Variants in CNTN5 observed in about 807,000 individuals in gnomAD.
The protein encoded by CNTN5 is contactin 5, also known as contactin-5.
A neutral mutation model predicts 129.1 loss-of-function variants in CNTN5; 77 were observed. The ratio of observed to expected loss-of-function variants is 0.60; its 90% CI spans 0.50 to 0.72. The LOEUF (loss-of-function observed/expected upper bound fraction) is 0.72. CNTN5 is among the 30% of genes least tolerant of loss of function. CNTN5 has a pLI of 0.00. For missense variants in CNTN5, 1,478 were observed against 1,328.8 expected, an observed-to-expected ratio of 1.11 and a Z score of -1.75; for synonymous variants, 509 against 465.6, an observed-to-expected ratio of 1.09 and a Z score of -1.20.
At chr11:99,226,413 G>C (rs983598929) in intron 1 of CNTN5, among the ~76,000 whole-genome samples, 1 of 152,120 alleles carries the variant, frequency 6.6e-6, no homozygotes, top group African/African-American at 2.4e-5. Context: ...GACTTTGAAT[G>C]ATATTCAAGT....
At chr11:100,041,251 T>G (rs1392004869) in intron 9 of CNTN5, among the ~76,000 whole-genome samples, 1 of 152,176 alleles carries the variant, frequency 6.6e-6, no homozygotes, top group Non-Finnish European at 1.5e-5. Flanking sequence ...TATGCAAGTC[T>G]GAACAAAAAC....
chr11:99,872,275 A>G lies in CNTN5; in HGVS notation c.577+27013A>G, dbSNP rs888026369. On this transcript the variant is annotated intron_variant, in intron 6 of 24. Coordinates refer to ENST00000524871, the MANE Select transcript of CNTN5 (RefSeq NM_014361.4). Reference sequence around the variant, plus strand: ...AAATTGGCTTTTGTTTCTTTGCTTTACTGGAAATATATTTTGTGGTGAATT... The same window carrying G: ...AAATTGGCTTTTGTTTCTTTGCTTTGCTGGAAATATATTTTGTGGTGAATT... Among the ~76,000 whole-genome samples the G allele has an allele frequency of 5.9e-4, 90 of 152,194 alleles. 1 individual carries two copies. Among genetic ancestry groups the G allele is most frequent in the African/African-American group, 2.0e-3 (82 of 41,568 alleles).
intron 1 of CNTN5, among the ~76,000 whole-genome samples, chr11:99,182,965 G>A (rs1337343761): frequency 2.0e-5 from 3 of 152,056 alleles, no homozygotes; most frequent in Non-Finnish European, 4.4e-5. Flanking sequence ...AGATAATGGG[G>A]TAGATTATGT....
intron 6 of CNTN5, among the ~76,000 whole-genome samples, chr11:99,876,108 G>GA (rs1948626385): frequency 6.6e-6 from 1 of 152,022 alleles, no homozygotes; most frequent in Admixed American, 6.6e-5. Flanking sequence ...CCAGTTTTGT[G>GA]ATGCATAGTT....
At chr11:100,277,914 A>G (rs1435614522) in intron 18 of CNTN5, among the ~76,000 whole-genome samples, 1 of 152,024 alleles carries the variant, frequency 6.6e-6, no homozygotes, top group Non-Finnish European at 1.5e-5. Context: ...AGTTTCCCCA[A>G]TGTTTTCCTG....
At chr11:99,555,946 A>G (rs1355761045) in intron 2 of CNTN5, among the ~76,000 whole-genome samples, 199 bp from the exon 3 acceptor site, 1 of 151,888 alleles carries the variant, frequency 6.6e-6, no homozygotes, top group Non-Finnish European at 1.5e-5. Context: ...AGTTGATCAC[A>G]TTTCCTAAGT....
intron 8 of CNTN5, among the ~76,000 whole-genome samples, chr11:99,998,865 A>G (rs1427524439): frequency 1.3e-5 from 2 of 148,286 alleles, no homozygotes; most frequent in Admixed American, 6.9e-5. Context: ...ATCTACAGCT[A>G]TCTGATCTTT....
intron 21 of CNTN5, among the ~76,000 whole-genome samples, chr11:100,330,457 C>CA (rs1478950709): frequency 6.6e-6 from 1 of 151,466 alleles, no homozygotes; most frequent in East Asian, 1.9e-4. Flanking sequence ...TCTAGACATC[C>CA]AAATATAAGA....
At chr11:99,924,052 A>G (rs1950003448) in intron 7 of CNTN5, among the ~76,000 whole-genome samples, 1 of 152,102 alleles carries the variant, frequency 6.6e-6, no homozygotes, top group African/African-American at 2.4e-5. Context: ...TGCGTCCCAA[A>G]GTGCTGGGAT....
Position 99,696,939 on chromosome 11 carries a change from AAACAAC to A in CNTN5, c.56-122593_56-122588del, listed in dbSNP as rs552156498. ...AGTTTAAAGACTATGGATTAAAAAC[AAACAAC>A]AACAACAACAAAAGTGCTTTACAGA... On this transcript the variant is annotated intron_variant, in intron 3 of 24. Transcript: ENST00000524871. 1.5e-3 allele frequency among the ~76,000 whole-genome samples: 226 copies of A among 152,076 alleles called. 1 individual carries two copies. Among genetic ancestry groups the A allele is most frequent in the African/African-American group, 5.0e-3 (209 of 41,542 alleles).
chr11:99,782,129 T>G (rs1945333540), intron 3 of CNTN5, among the ~76,000 whole-genome samples: 1 of 151,240 alleles, frequency 6.6e-6, no homozygotes, highest in Non-Finnish European at 1.5e-5. Context: ...TTCAGCAAAG[T>G]CTCAGGATAG....
At chr11:100,154,757 A>T (rs1285813906) in intron 13 of CNTN5, among the ~76,000 whole-genome samples, 1 of 152,182 alleles carries the variant, frequency 6.6e-6, no homozygotes, top group Middle Eastern at 3.4e-3. Context: ...TTTGATTTGT[A>T]TTTCCCTAAT....
chr11:99,787,027 A>G (rs1351890370), intron 3 of CNTN5, among the ~76,000 whole-genome samples: 2 of 151,954 alleles, frequency 1.3e-5, no homozygotes, highest in Admixed American at 1.3e-4. Context: ...ATTGGCAAGT[A>G]TGTTCGGATA....
At chr11:100,324,035 T>C (rs1951745289) in intron 21 of CNTN5, among the ~76,000 whole-genome samples, 1 of 152,190 alleles carries the variant, frequency 6.6e-6, no homozygotes, top group Non-Finnish European at 1.5e-5. Flanking sequence ...TAAATTAAGA[T>C]ATATTAAACA....
intron 6 of CNTN5, among the ~76,000 whole-genome samples, chr11:99,912,834 G>C (rs989207153): frequency 6.6e-5 from 10 of 151,872 alleles, no homozygotes; most frequent in African/African-American, 2.4e-4. Flanking sequence ...TGTTTCTTAA[G>C]TTGAGTATTT....
intron 1 of CNTN5, among the ~76,000 whole-genome samples, chr11:99,145,461 C>T (rs773382954): frequency 4.6e-5 from 7 of 151,770 alleles, no homozygotes; most frequent in Non-Finnish European, 8.8e-5. Context: ...GTCATGTAGT[C>T]TACATATAAT....
Position 100,001,643 on chromosome 11 carries a change from T to C in CNTN5, c.878-391T>C, listed in dbSNP as rs141087817. The stretch of plus-strand genomic sequence containing the variant: ...ATATTTGGCAAAATGCCGTGCATAT[T>C]ATAGATATTCAATAAATATTTGACT... On this transcript the variant is annotated intron_variant, in intron 8 of 24. Transcript: ENST00000524871. 1.1e-3 allele frequency among the ~76,000 whole-genome samples: 173 copies of C among 152,348 alleles called. No homozygotes were observed. The South Asian group carries it at 0.012, about 11-fold the overall frequency.
intron 8 of CNTN5, among the ~76,000 whole-genome samples, chr11:99,997,815 G>A (rs1380492220): frequency 1.3e-5 from 2 of 152,094 alleles, no homozygotes; most frequent in Non-Finnish European, 2.9e-5. Context: ...CCATGATCAA[G>A]TGGGCTTCAT....
chr11:100,113,839 A>G (rs1945750314), intron 13 of CNTN5, among the ~76,000 whole-genome samples: 1 of 151,914 alleles, frequency 6.6e-6, no homozygotes, highest in Admixed American at 6.6e-5. Flanking sequence ...AAAAGTCTCC[A>G]TGTATGTAAT....
Sources: gnomAD v4.1 joint callset for allele counts (sites outside exome capture counted in the v4.1 genomes callset) on GRCh38, gnomAD v4.1.1 for gene constraint, MANE v1.5 for transcripts, NCBI Gene and HGNC (gene_info 2026-07-23, HGNC 2026-07-21) for gene names.